ESYT2: variants seen among roughly 807,000 people sequenced by gnomAD.
The protein encoded by ESYT2 is extended synaptotagmin-2.
In ESYT2, 54 loss-of-function variants were observed where a neutral mutation model predicts 107.2. The ratio of observed to expected loss-of-function variants is 0.50; its 90% CI spans 0.40 to 0.63. The LOEUF (loss-of-function observed/expected upper bound fraction) is 0.63. Ranked by LOEUF, ESYT2 falls within the 30% of genes least tolerant of loss-of-function variation. The pLI, the probability that ESYT2 is intolerant of heterozygous loss-of-function variation, is 0.00. For synonymous variants in ESYT2, 491 were observed against 434.1 expected (o/e 1.13, Z -1.63); for missense variants, 1,020 against 1,094.5 (o/e 0.93, Z 0.96).
chr7:158,821,649 T>C (rs575571070), intron 1 of ESYT2, among the ~76,000 whole-genome samples: 1 of 152,342 alleles, frequency 6.6e-6, no homozygotes, highest in Admixed American at 6.5e-5. Context: ...TCCCAGGTCA[T>C]GGGGACCTGG....
At chr7:158,755,370 A>G (rs1184700375) in intron 13 of ESYT2, among the ~76,000 whole-genome samples, 1 of 152,234 alleles carries the variant, frequency 6.6e-6, no homozygotes, top group East Asian at 1.9e-4. Context: ...TGTTCTAATA[A>G]GGAAGTACAG....
At chr7:158,769,398 A>C (rs1011562453) in intron 7 of ESYT2, among the ~76,000 whole-genome samples, 2 of 152,212 alleles carry the variant, frequency 1.3e-5, no homozygotes, top group African/African-American at 4.8e-5. Flanking sequence ...AGGCCACAGC[A>C]GCTCTGACGG....
At chr7:158,783,925 G>A (rs1050434231) in intron 6 of ESYT2, among the ~76,000 whole-genome samples, 14 of 152,234 alleles carry the variant, frequency 9.2e-5, no homozygotes, top group African/African-American at 2.9e-4. Context: ...GAAGCACCTT[G>A]AGAACCCACT....
rs569412805 is a variant in ESYT2, at chr7:158,828,152, A to G, written c.330+937T>C. The stretch of plus-strand genomic sequence containing the variant: ...ACTGAAACAATCTTTCAATTATCTA[A>G]TATCTCCACATCTTTCGAGAGACAC... On this transcript the variant is annotated intron_variant, in intron 1 of 22. Coordinates refer to ENST00000275418, the MANE Select transcript of ESYT2 (RefSeq NM_001367773.1). 5.9e-5 allele frequency among the ~76,000 whole-genome samples: 9 copies of G among 152,342 alleles called. No homozygotes were observed. The South Asian group carries it at 1.2e-3, about 21-fold the overall frequency.
intron 13 of ESYT2, among the ~76,000 whole-genome samples, chr7:158,757,731 G>A (rs1357615752): frequency 6.6e-6 from 1 of 150,884 alleles, no homozygotes; most frequent in Non-Finnish European, 1.5e-5. Flanking sequence ...CCTTTTAACA[G>A]AAGATCAATA....
In ESYT2 at chr7:158,739,017, C is replaced by T. The variant is rs374397490; in HGVS notation, c.2267+6G>A. On this transcript the variant is annotated splice_donor_region_variant and intron_variant, in intron 19 of 22. Coordinates refer to ENST00000275418, the MANE Select transcript of ESYT2 (RefSeq NM_001367773.1). ...AGCAGCGGGCGCGTGGGACCCCAGC[C>T]CCCACCTGCAGGCATGCACGACCAC... 1 of 1,613,336 alleles carries T rather than the reference C, an allele frequency of 6.2e-7. No homozygotes were observed. The highest frequency in any genetic ancestry group is 1.3e-5 in the African/African-American group (1 of 74,914).
intron 19 of ESYT2, 37 bp downstream of exon 19, chr7:158,738,986 C>CA: frequency 1.9e-6 from 3 of 1,586,500 alleles, no homozygotes; most frequent in Non-Finnish European, 2.6e-6. Context: ...CCACACTCAG[C>CA]AGCACAGCAG....
intron 19 of ESYT2, among the ~76,000 whole-genome samples, chr7:158,738,080 G>A (rs1258552387): frequency 6.6e-6 from 1 of 151,998 alleles, no homozygotes; most frequent in Non-Finnish European, 1.5e-5. Context: ...AATTAGCCAG[G>A]CCTGGTGGCT....
At chr7:158,750,008 A>C (rs1770459927) in intron 14 of ESYT2, among the ~76,000 whole-genome samples, 1 of 152,222 alleles carries the variant, frequency 6.6e-6, no homozygotes, top group African/African-American at 2.4e-5. Context: ...TGTTAATCAC[A>C]CTTTTCGAAA....
Position 158,767,668 on chromosome 7 carries a change from A to G in ESYT2, c.910T>C (p.Phe304Leu), listed in dbSNP as rs1483688549. ...VSEVQIAQLRFPVPKGVLRIH... is the reference protein window; with the variant it reads ...VSEVQIAQLRLPVPKGVLRIH... ...GACACGCTTACCTTTGGTACAGGAA[A>G]CCGCAACTGAGCTATTTGAACTTCA... Residue 304 changes from phenylalanine (F) to leucine (L), a missense_variant, in exon 8 of 23, where the codon TTT becomes CTT. Coordinates refer to ENST00000275418, the MANE Select transcript of ESYT2 (RefSeq NM_001367773.1). 6.2e-7 allele frequency: 1 copy of G among 1,612,042 alleles called. No individual in the cohort carries two copies.
chr7:158,792,670 G>A (rs1023390258), intron 4 of ESYT2, among the ~76,000 whole-genome samples: 6 of 150,896 alleles, frequency 4.0e-5, no homozygotes, highest in Non-Finnish European at 8.8e-5. Context: ...TCACAATATT[G>A]TGTTGAAGAG....
At position 158,764,310 on chromosome 7, in the gene ESYT2, A is replaced by T. The variant is rs141629341; in HGVS notation, c.1101+367T>A. 7.0e-3 allele frequency among the ~76,000 whole-genome samples: 1,058 copies of T among 152,110 alleles called. 5 individuals are homozygous for T. Among genetic ancestry groups the T allele is most frequent in the African/African-American group, 9.0e-3 (375 of 41,496 alleles). On this transcript the variant is annotated intron_variant, in intron 9 of 22. Transcript: ENST00000275418. ...TTGACATGTGAAGATGTCCTAATTT[A>T]AAAAAAAGCTTGCAAGGAGGTATAT...
At chr7:158,821,773 G>A (rs1840291198) in intron 1 of ESYT2, among the ~76,000 whole-genome samples, 1 of 152,222 alleles carries the variant, frequency 6.6e-6, no homozygotes, top group Non-Finnish European at 1.5e-5. Context: ...GAACTTCCAT[G>A]CATTTCCCTC....
At position 158,733,614 on chromosome 7, in the gene ESYT2, A is replaced by C. The variant is rs1836817376; in HGVS notation, c.*593T>G. On this transcript the variant is annotated 3_prime_UTR_variant, in exon 23 of 23. Transcript: ENST00000275418. ...CATCCTTATATTTATGAAAATGTTA[A>C]TATTTTGAATACTTTATTTCATCTT... The C allele has an allele frequency of 6.6e-6, 1 of 152,228 alleles. No individual in the cohort carries two copies. The highest frequency in any genetic ancestry group is 6.5e-5 in the Admixed American group (1 of 15,280). 9.4% of individuals were successfully genotyped at this position (152,228 alleles called of 1,614,324 possible).
intron 9 of ESYT2, among the ~76,000 whole-genome samples, chr7:158,763,999 T>C (rs906933634): frequency 1.3e-5 from 2 of 152,156 alleles, no homozygotes; most frequent in African/African-American, 4.8e-5. Flanking sequence ...ATTCTACACA[T>C]ACGTCAGTCC....
intron 1 of ESYT2, among the ~76,000 whole-genome samples, chr7:158,818,267 T>G (rs1270948414): frequency 2.0e-5 from 3 of 152,322 alleles, no homozygotes; most frequent in Admixed American, 6.5e-5. Context: ...ATTAGCCATG[T>G]CCTTGGAACA....
chr7:158,764,590 C>T, intron 9 of ESYT2, 87 bp downstream of exon 9: 1 of 1,380,040 alleles, frequency 7.2e-7, no homozygotes, highest in African/African-American at 1.4e-5. Context: ...GCCACACTCC[C>T]ACGTGACTGT....
intron 6 of ESYT2, among the ~76,000 whole-genome samples, chr7:158,782,423 CAA>C (rs1331561751): frequency 2.0e-5 from 3 of 148,170 alleles, no homozygotes; most frequent in South Asian, 4.3e-4. Context: ...AGTGTGAGAA[CAA>C]AGTGAGGTGT....
chr7:158,742,156 C>T (rs1048130375), intron 17 of ESYT2, among the ~76,000 whole-genome samples: 2 of 152,198 alleles, frequency 1.3e-5, no homozygotes, highest in African/African-American at 2.4e-5. Flanking sequence ...TCGCGCACTA[C>T]ACCACAAGCT....
Sources: gnomAD v4.1 joint callset for allele counts (sites outside exome capture counted in the v4.1 genomes callset) on GRCh38, gnomAD v4.1.1 for gene constraint, MANE v1.5 for transcripts, NCBI Gene and HGNC (gene_info 2026-07-23, HGNC 2026-07-21) for gene names.